Variants in EEFSEC observed in about 807,000 individuals in gnomAD.
The protein encoded by EEFSEC is selenocysteine-specific elongation factor.
EEFSEC carries 43 observed loss-of-function variants against 42.1 expected under a neutral mutation model. The ratio of observed to expected loss-of-function variants is 1.02; its 90% confidence interval spans 0.80 to 1.32. EEFSEC has a LOEUF of 1.32. Ranked by LOEUF, EEFSEC falls within the 40% of genes most tolerant of loss-of-function variation. The probability of loss-of-function intolerance (pLI) is 0.00; values close to 1 mark genes in which losing one functional copy is unlikely to be tolerated. For synonymous variants in EEFSEC, 354 were observed against 339.1 expected, an observed-to-expected ratio of 1.04 and a Z score of -0.48; for missense variants, 745 against 803.6, an observed-to-expected ratio of 0.93 and a Z score of 0.88.
chr3:128,277,784 AG>A (rs113072513), intron 4 of EEFSEC, among the ~76,000 whole-genome samples: 31 of 152,334 alleles, frequency 2.0e-4, no homozygotes, highest in African/African-American at 6.5e-4. Flanking sequence ...TTCCCAGGAC[AG>A]GGGAGAGTTC....
At chr3:128,166,831 G>A (rs976588923) in intron 1 of EEFSEC, among the ~76,000 whole-genome samples, 5 of 152,048 alleles carry the variant, frequency 3.3e-5, no homozygotes, top group East Asian at 1.9e-4. Context: ...CCACAGCTGC[G>A]ACCTGAAGAC....
intron 1 of EEFSEC, among the ~76,000 whole-genome samples, chr3:128,241,045 T>C (rs1317761317): frequency 6.6e-6 from 1 of 152,096 alleles, no homozygotes; most frequent in East Asian, 1.9e-4. Flanking sequence ...TACAGAGCAA[T>C]TGTTTTATTC....
At chr3:128,327,274 T>A (rs1300659876) in intron 4 of EEFSEC, among the ~76,000 whole-genome samples, 1 of 145,020 alleles carries the variant, frequency 6.9e-6, no homozygotes, top group East Asian at 2.0e-4. Context: ...CCCTGGCACC[T>A]CCCTGCACTT....
At chr3:128,252,782 C>G (rs747192643) in intron 2 of EEFSEC, among the ~76,000 whole-genome samples, 10 of 152,160 alleles carry the variant, frequency 6.6e-5, no homozygotes, top group Non-Finnish European at 1.5e-4. Flanking sequence ...CTTGCATACA[C>G]AGTCAGCACG....
At chr3:128,209,338 C>A (rs1305441190) in intron 1 of EEFSEC, among the ~76,000 whole-genome samples, 1 of 152,170 alleles carries the variant, frequency 6.6e-6, no homozygotes, top group Non-Finnish European at 1.5e-5. Flanking sequence ...AGGCATGAAG[C>A]TTTGAAAGAC....
In EEFSEC at chr3:128,177,485, A is replaced by C. The variant is rs1244126614; in HGVS notation, c.316+23662A>C. ...ATCAAATATAAATGATGCATTTTGA[A>C]GTTTTTAAACTATCAATAAAGCATT... On this transcript the variant is annotated intron_variant, in intron 1 of 6. Transcript: ENST00000254730. Among the ~76,000 whole-genome samples, 8 of 146,110 alleles carry C rather than the reference A, an allele frequency of 5.5e-5. 1 individual carries two copies.
intron 1 of EEFSEC, among the ~76,000 whole-genome samples, chr3:128,244,158 A>G (rs748510747): frequency 6.0e-4 from 91 of 152,196 alleles, no homozygotes; most frequent in Admixed American, 3.7e-3. Flanking sequence ...TGGGCCCCCA[A>G]CGTGTTCCTC....
Position 128,153,490 on chromosome 3 carries a change from C to G in EEFSEC, c.-18C>G, listed in dbSNP as rs548696448. On this transcript the variant is annotated 5_prime_UTR_variant, in exon 1 of 7. Coordinates refer to ENST00000254730, the MANE Select transcript of EEFSEC (RefSeq NM_021937.5). The stretch of plus-strand genomic sequence containing the variant: ...GTGAGGGGCGGGCCGGGCGGGTGTC[C>G]GAGGCGGCGGCGGCGGCATGGCAGG... 6.1e-6 allele frequency: 9 copies of G among 1,477,816 alleles called. No individual in the cohort carries two copies. Among genetic ancestry groups the G allele is most frequent in the African/African-American group, 1.5e-5 (1 of 67,816 alleles). The allele number at this position is 1,477,816 out of a possible 1,614,324, so 91.5% of individuals were successfully genotyped here. A position where few individuals can be genotyped will look rare whatever the true frequency, so the allele number is the denominator to read the frequency against.
At chr3:128,239,717 A>C (rs2066050997) in intron 1 of EEFSEC, among the ~76,000 whole-genome samples, 1 of 152,252 alleles carries the variant, frequency 6.6e-6, no homozygotes, top group Middle Eastern at 3.2e-3. Context: ...CTGTCAGTAG[A>C]AAACAGAAAT....
intron 1 of EEFSEC, among the ~76,000 whole-genome samples, chr3:128,229,509 C>T (rs1347915642): frequency 1.3e-5 from 2 of 152,196 alleles, no homozygotes; most frequent in Admixed American, 6.5e-5. Flanking sequence ...CTGCCCTACC[C>T]CAGGCATAGC....
chr3:128,331,266 A>AGG (rs2067128733), intron 4 of EEFSEC, among the ~76,000 whole-genome samples: 1 of 7,534 alleles, frequency 1.3e-4, no homozygotes, highest in Non-Finnish European at 2.2e-4. Context: ...CTTCCTCAGT[A>AGG]CATCTCCCCT....
intron 6 of EEFSEC, among the ~76,000 whole-genome samples, chr3:128,367,338 G>A (rs2067601985): frequency 6.6e-6 from 1 of 152,212 alleles, no homozygotes; most frequent in African/African-American, 2.4e-5. Context: ...CACAGAAGGT[G>A]CACAATGCCA....
intron 3 of EEFSEC, among the ~76,000 whole-genome samples, chr3:128,263,309 C>A (rs2066318187): frequency 1.3e-5 from 2 of 152,198 alleles, no homozygotes; most frequent in African/African-American, 4.8e-5. Flanking sequence ...GGGATTCAGA[C>A]CCAGGTTGAT....
At position 128,341,694 on chromosome 3, in the gene EEFSEC, T is replaced by C; in HGVS notation, c.1248T>C (p.Phe416=). The change falls in exon 5 of 7, where the codon TTT becomes TTC. Residue 416 remains phenylalanine (F), a synonymous_variant. Transcript: ENST00000254730. ...CPRQQWALVE[F]EKPVTCPRLC... is the part of the protein sequence containing the mutation. ...GGCAGCAGTGGGCCCTGGTGGAGTT[T>C]GAGAAGCCCGTCACCTGCCCTCGGC... The C allele has an allele frequency of 1.9e-6, 3 of 1,614,094 alleles. No individual in the cohort carries two copies. Among genetic ancestry groups the C allele is most frequent in the South Asian group, 2.2e-5 (2 of 91,084 alleles).
chr3:128,415,293 G>T, the EEFSEC span, among the ~76,000 whole-genome samples: 1 of 152,148 alleles, frequency 6.6e-6, no homozygotes, highest in Non-Finnish European at 1.5e-5. Context: ...GGCACAAGAG[G>T]ACATGCAGGG....
intron 1 of EEFSEC, among the ~76,000 whole-genome samples, chr3:128,239,239 T>A (rs1576572075): frequency 1.3e-5 from 2 of 152,198 alleles, no homozygotes; most frequent in East Asian, 3.9e-4. Context: ...CCGTTAATAC[T>A]CTTCCTCTTC....
chr3:128,315,097 T>A (rs557829116), intron 4 of EEFSEC, among the ~76,000 whole-genome samples: 1 of 152,210 alleles, frequency 6.6e-6, no homozygotes, highest in African/African-American at 2.4e-5. Flanking sequence ...GGCTGGGTTG[T>A]GAAGCCAGAC....
chr3:128,388,611 G>A lies in EEFSEC; in HGVS notation c.1601-19458G>A, dbSNP rs192394074. On this transcript the variant is annotated intron_variant, in intron 6 of 6. Coordinates refer to ENST00000254730, the MANE Select transcript of EEFSEC (RefSeq NM_021937.5). ...GGCCCGAGCCTCCTGAGTTTGCTGA[G>A]TGAGGCCACTGCTGTGTAAGGCCCA... 3.2e-3 allele frequency among the ~76,000 whole-genome samples: 482 copies of A among 152,358 alleles called. 2 individuals carry two copies. The highest frequency in any genetic ancestry group is 0.019 in the South Asian group (90 of 4,824).
At chr3:128,245,175 C>G (rs923327031) in intron 1 of EEFSEC, among the ~76,000 whole-genome samples, 1 of 152,150 alleles carries the variant, frequency 6.6e-6, no homozygotes, top group African/African-American at 2.4e-5. Flanking sequence ...TTTGGAGGGC[C>G]ACATCTGAGC....
Sources: gnomAD v4.1 joint callset for allele counts (sites outside exome capture counted in the v4.1 genomes callset) on GRCh38, gnomAD v4.1.1 for gene constraint, MANE v1.5 for transcripts, NCBI Gene and HGNC (gene_info 2026-07-23, HGNC 2026-07-21) for gene names.